The following PRDX1 variants were observed in gnomAD, a reference collection of about 807,000 sequenced individuals.
PRDX1 encodes peroxiredoxin 1.
A neutral mutation model predicts 20.7 loss-of-function variants in PRDX1; 19 were observed. The ratio of observed to expected loss-of-function variants is 0.92; its 90% CI spans 0.64 to 1.35. PRDX1 has a LOEUF of 1.35. Among genes scored for constraint, PRDX1 ranks in the 40% most tolerant of loss-of-function variants. The probability of loss-of-function intolerance (pLI) is 0.00; values close to 1 mark genes in which losing one functional copy is unlikely to be tolerated. For missense variants in PRDX1, 226 were observed against 240.0 expected, an observed-to-expected ratio of 0.94 and a Z score of 0.38; for synonymous variants, 89 against 83.9, an observed-to-expected ratio of 1.06 and a Z score of -0.33.
upstream of PRDX1, among the ~76,000 whole-genome samples, chr1:45,522,492 C>T (rs544726156): frequency 3.9e-5 from 6 of 152,280 alleles, no homozygotes; most frequent in South Asian, 1.2e-3. Flanking sequence ...ACCATCCTCT[C>T]CCCGGATGAA....
At chr1:45,514,782 T>G in intron 4 of PRDX1, 91 bp downstream of exon 4, 1 of 1,577,868 alleles carries the variant, frequency 6.3e-7, no homozygotes, top group Non-Finnish European at 8.6e-7. Flanking sequence ...CATAAAGGAA[T>G]GAAATGACAA....
At chr1:45,516,131 C>G (rs1188165564) in intron 2 of PRDX1, among the ~76,000 whole-genome samples, 1 of 152,226 alleles carries the variant, frequency 6.6e-6, no homozygotes, top group Non-Finnish European at 1.5e-5. Context: ...ATAGCAAAAG[C>G]AAGGATGCAC....
intron 2 of PRDX1, among the ~76,000 whole-genome samples, chr1:45,517,718 C>A (rs35722848): frequency 6.8e-6 from 1 of 146,108 alleles, no homozygotes; most frequent in Admixed American, 7.1e-5. Context: ...GAAGGCGGAG[C>A]TTGCAGTGAG....
At position 45,514,596 on chromosome 1, in the gene PRDX1, A is replaced by G. The variant is rs774837864; in HGVS notation, c.425T>C (p.Ile142Thr). Residue 142 changes from isoleucine to threonine, a missense_variant, in exon 5 of 6, where the codon ATC becomes ACC. By Grantham distance (89) the Ile-to-Thr change is moderately conservative. Coordinates refer to ENST00000319248, the MANE Select transcript of PRDX1 (RefSeq NM_181697.3). Reference sequence around the variant, plus strand: ...GCCAACAGGGAGGTCATTTACAGTGATCTGCCGAAGAATACCCTTATCATC... The same window carrying G: ...GCCAACAGGGAGGTCATTTACAGTGGTCTGCCGAAGAATACCCTTATCATC... ...IIDDKGILRQITVNDLPVGRS... is the reference protein window; with the variant it reads ...IIDDKGILRQTTVNDLPVGRS... The G allele has an allele frequency of 6.2e-7, 1 of 1,613,858 alleles. No individual in the cohort carries two copies. Among genetic ancestry groups the G allele is most frequent in the Non-Finnish European group, 8.5e-7 (1 of 1,179,714 alleles).
chr1:45,522,234 C>T (rs1643921689), upstream of PRDX1, among the ~76,000 whole-genome samples: 1 of 152,184 alleles, frequency 6.6e-6, no homozygotes. Context: ...AGCGTCTTAG[C>T]TGCTGCCCAC....
At chr1:45,515,267 G>C (rs6671347) in intron 3 of PRDX1, among the ~76,000 whole-genome samples, 9,834 of 152,130 alleles carry the variant, frequency 0.065, 1,033 homozygotes, top group African/African-American at 0.22. Flanking sequence ...GGCAATACTT[G>C]AAAGTCTATT....
rs771022045 is a variant in PRDX1, at chr1:45,515,721, C to A, written c.193G>T (p.Glu65Ter). 1.6e-5 allele frequency: 25 copies of A among 1,600,664 alleles called. No individual in the cohort carries two copies. Among genetic ancestry groups the A allele is most frequent in the Admixed American group, 1.0e-4 (6 of 58,144 alleles). Reference protein sequence around the residue: ...EIIAFSDRAEEFKKLNCQVIG... With the variant: ...EIIAFSDRAE The stretch of plus-strand genomic sequence containing the variant: ...ACTTGGCAGTTGAGTTTCTTAAATT[C>A]TTCTGCCCTATCACTGAAAGCAATG... Residue 65 changes from glutamate to a stop codon, truncating the protein, a stop_gained, in exon 3 of 6, where the codon GAA becomes TAA. Coordinates refer to ENST00000319248, the MANE Select transcript of PRDX1 (RefSeq NM_181697.3). LOFTEE classifies it high-confidence loss of function.
At chr1:45,515,592 C>A in intron 3 of PRDX1, 62 bp downstream of exon 3, 2 of 1,208,422 alleles carry the variant, frequency 1.7e-6, no homozygotes, top group South Asian at 3.0e-5. Context: ...AAGCAAGACT[C>A]CATCTCAAAA....
At chr1:45,514,051 T>A (rs888984676) in intron 5 of PRDX1, among the ~76,000 whole-genome samples, 1 of 152,172 alleles carries the variant, frequency 6.6e-6, no homozygotes, top group Non-Finnish European at 1.5e-5. Context: ...CCCAATTGTA[T>A]GTTCCATCTA....
At chr1:45,514,096 T>G (rs933615658) in intron 5 of PRDX1, among the ~76,000 whole-genome samples, 1 of 152,090 alleles carries the variant, frequency 6.6e-6, no homozygotes, top group Non-Finnish European at 1.5e-5. Flanking sequence ...GGGGTGGAGG[T>G]GGGACATGCG....
Position 45,514,978 on chromosome 1 carries a change from T to C in PRDX1, c.278A>G (p.Lys93Arg). Residue 93 changes from lysine to arginine, a missense_variant, in exon 4 of 6, where the codon AAA (lysine) becomes AGA (arginine). Coordinates refer to ENST00000319248, the MANE Select transcript of PRDX1 (RefSeq NM_181697.3). The part of the protein sequence containing the change: ...CHLAWVNTPK[K>R]QGGLGPMNIP... ...GTTCATGGGTCCCAGTCCTCCTTGT[T>C]TCTTAGGTGTATTGACCCTATGGCA... 6.2e-7 allele frequency: 1 copy of C among 1,614,254 alleles called. No homozygotes were observed. Among genetic ancestry groups the C allele is most frequent in the Admixed American group, 1.7e-5 (1 of 60,030 alleles).
upstream of PRDX1, chr1:45,522,657 G>C (rs943974063): frequency 6.6e-6 from 1 of 152,150 alleles, no homozygotes; most frequent in Non-Finnish European, 1.5e-5. Context: ...AACCTTTAAA[G>C]TATGTAGCCT....
At chr1:45,519,395 G>A (rs892084981) in intron 1 of PRDX1, among the ~76,000 whole-genome samples, 18 of 152,350 alleles carry the variant, frequency 1.2e-4, no homozygotes, top group African/African-American at 3.6e-4. Flanking sequence ...GAGAGAGGCA[G>A]ATGAAGACTC....
At position 45,514,600 on chromosome 1, in the gene PRDX1, GCCGAAGAATAC is replaced by G. The variant is rs1392360052; in HGVS notation, c.410_420del (p.Gly137AlafsTer6). The stretch of plus-strand genomic sequence containing the variant: ...ACAGGGAGGTCATTTACAGTGATCT[GCCGAAGAATAC>G]CCTTATCATCAATGATAAAAAGGCC... On this transcript the variant is annotated frameshift_variant, in exon 5 of 6. Coordinates refer to ENST00000319248, the MANE Select transcript of PRDX1 (RefSeq NM_181697.3). LOFTEE classifies it high-confidence loss of function. The G allele has an allele frequency of 2.5e-6, 4 of 1,613,360 alleles. No homozygotes were observed. In the East Asian group the frequency reaches 8.9e-5, roughly 36 times the overall value.
intron 4 of PRDX1, 31 bp downstream of exon 4, chr1:45,514,842 A>G (rs771517757): frequency 1.2e-6 from 2 of 1,613,006 alleles, no homozygotes; most frequent in South Asian, 2.2e-5. Context: ...AAAGGCTTTC[A>G]GCCAACTGGA....
At chr1:45,520,041 C>T (rs1479214710) in intron 1 of PRDX1, among the ~76,000 whole-genome samples, 2 of 151,434 alleles carry the variant, frequency 1.3e-5, no homozygotes, top group Non-Finnish European at 1.5e-5. Context: ...CCCGTCTCTA[C>T]TAGAAACACA....
At position 45,515,809 on chromosome 1, in the gene PRDX1, T is replaced by A; in HGVS notation, c.107-2A>T. On this transcript the variant is annotated splice_acceptor_variant, in intron 2 of 5. Coordinates refer to ENST00000319248, the MANE Select transcript of PRDX1 (RefSeq NM_181697.3). LOFTEE classifies it high-confidence loss of function. Reference sequence around the variant, plus strand: ...AAAAGAAGAACACAACATATTTTCCTGGGGGGAAAATCGGAGTCATGGTTA... The same window carrying A: ...AAAAGAAGAACACAACATATTTTCCAGGGGGGAAAATCGGAGTCATGGTTA... 6.4e-7 allele frequency: 1 copy of A among 1,551,028 alleles called. No individual in the cohort carries two copies. Among genetic ancestry groups the A allele is most frequent in the East Asian group, 2.4e-5 (1 of 42,046 alleles).
intron 2 of PRDX1, among the ~76,000 whole-genome samples, chr1:45,517,715 G>A (rs1027138760): frequency 6.6e-6 from 1 of 151,662 alleles, no homozygotes. Flanking sequence ...CCAGAAGGCG[G>A]AGCTTGCAGT....
chr1:45,511,205 T>C lies in PRDX1; in HGVS notation c.*124A>G. On this transcript the variant is annotated 3_prime_UTR_variant, in exon 6 of 6. Coordinates refer to ENST00000319248, the MANE Select transcript of PRDX1 (RefSeq NM_181697.3). ...CCACCCCCTGTAGGAAAGGCCTGCC[T>C]TGTAAGACACCACAATTCGGCTGAA... 1.2e-6 allele frequency: 1 copy of C among 845,404 alleles called. No individual in the cohort carries two copies. The highest frequency in any genetic ancestry group is 1.8e-6 in the Non-Finnish European group (1 of 540,954). The allele number at this position is 845,404 out of a possible 1,614,324, so 52.4% of individuals were successfully genotyped here.
Sources: allele counts gnomAD v4.1 joint callset (sites outside exome capture counted in the v4.1 genomes callset), GRCh38; gene constraint gnomAD v4.1.1; transcripts MANE v1.5; gene names NCBI Gene and HGNC (gene_info 2026-07-23, HGNC 2026-07-21).